Variants in NFAT5 observed in about 807,000 individuals in gnomAD.
NFAT5 encodes the protein nuclear factor of activated T cells 5.
NFAT5 carries 31 observed loss-of-function variants against 166.5 expected under a neutral mutation model. That is an observed-to-expected ratio of 0.19 (90% confidence interval 0.14 to 0.25). NFAT5 has a LOEUF of 0.25. NFAT5 is among the 10% of genes least tolerant of loss of function. The probability of loss-of-function intolerance (pLI) is 1.00; values close to 1 mark genes in which losing one functional copy is unlikely to be tolerated. For synonymous variants in NFAT5, 612 were observed against 639.7 expected (o/e 0.96, Z 0.65); for missense variants, 1,449 against 1,821.8 (o/e 0.80, Z 3.72).
At chr16:69,684,664 G>A (rs2037214124) in intron 10 of NFAT5, among the ~76,000 whole-genome samples, 1 of 152,054 alleles carries the variant, frequency 6.6e-6, no homozygotes, top group South Asian at 2.1e-4. Flanking sequence ...TTACAGACGT[G>A]AGCCACTACA....
intron 9 of NFAT5, among the ~76,000 whole-genome samples, chr16:69,672,472 T>G (rs1376336913): frequency 6.6e-6 from 1 of 152,206 alleles, no homozygotes; most frequent in Non-Finnish European, 1.5e-5. Flanking sequence ...TCAGACCATC[T>G]CCACTCCCAT....
intron 9 of NFAT5, chr16:69,676,923 T>G: frequency 3.5e-6 from 1 of 288,110 alleles, no homozygotes; most frequent in Non-Finnish European, 6.4e-6. Context: ...GGGACCGAGG[T>G]CAGTGTGGCT....
intron 2 of NFAT5, among the ~76,000 whole-genome samples, chr16:69,605,196 T>A (rs2033340613): frequency 6.6e-6 from 1 of 152,102 alleles, no homozygotes; most frequent in African/African-American, 2.4e-5. Flanking sequence ...TCCCAGCACT[T>A]TGGGAGGCCA....
rs576387901 is a variant in NFAT5, at chr16:69,699,028, C to G, written c.*2677C>G. ...CAGTTTGAAAATGTAAAATTCTAAC[C>G]CTAAAGTAGGGTTGGTTGAAATTTC... On this transcript the variant is annotated 3_prime_UTR_variant, in exon 15 of 15. Coordinates refer to ENST00000349945, the MANE Select transcript of NFAT5 (RefSeq NM_138713.4). The G allele has an allele frequency of 3.3e-5, 5 of 152,530 alleles. No homozygotes were observed. Among genetic ancestry groups the G allele is most frequent in the African/African-American group, 9.7e-5 (4 of 41,448 alleles). The allele number at this position is 152,530 out of a possible 1,614,324, so 9.4% of individuals were successfully genotyped here. A position where few individuals can be genotyped will look rare whatever the true frequency, so the allele number is the denominator to read the frequency against.
In NFAT5 at chr16:69,701,288, C is replaced by G. The variant is rs1452439409; in HGVS notation, c.*4937C>G. On this transcript the variant is annotated 3_prime_UTR_variant, in exon 15 of 15. Transcript: ENST00000349945. ...AATCCCCATTTATTTTTATGCCATT[C>G]TAGCCTCATTTATTAATAAAATTAT... is the stretch of plus-strand genomic sequence containing the variant. 1 of 152,426 alleles carries G rather than the reference C, an allele frequency of 6.6e-6. No individual in the cohort carries two copies. The highest frequency in any genetic ancestry group is 1.5e-5 in the Non-Finnish European group (1 of 67,996). 9.4% of individuals were successfully genotyped at this position (152,426 alleles called of 1,614,324 possible).
chr16:69,671,987 G>A (rs1427678460), intron 9 of NFAT5, among the ~76,000 whole-genome samples: 1 of 152,206 alleles, frequency 6.6e-6, no homozygotes, highest in Non-Finnish European at 1.5e-5. Context: ...AAATCACATT[G>A]TTAGACTATC....
rs533062868 is a variant in NFAT5, at chr16:69,645,862, C to T, written c.254-1166C>T. ...GACAACTTCCAACCTTAGCGATCAA[C>T]GCGCCTCTGAGTTTATGCTGTTAAG... On this transcript the variant is annotated intron_variant, in intron 3 of 14. Coordinates refer to ENST00000349945, the MANE Select transcript of NFAT5 (RefSeq NM_138713.4). 1.9e-4 allele frequency among the ~76,000 whole-genome samples: 29 copies of T among 152,280 alleles called. 1 individual carries two copies. The highest frequency in any genetic ancestry group is 1.3e-3 in the Admixed American group (20 of 15,300).
intron 10 of NFAT5, 28 bp from the exon 11 acceptor site, chr16:69,684,859 A>T: frequency 2.0e-6 from 3 of 1,491,828 alleles, no homozygotes; most frequent in Non-Finnish European, 2.8e-6. Flanking sequence ...GTAAATGTAG[A>T]TAAATACATT....
chr16:69,668,028 G>A (rs7200420), intron 7 of NFAT5, among the ~76,000 whole-genome samples: 27,150 of 151,974 alleles, frequency 0.18, 2,626 homozygotes, highest in East Asian at 0.36. Flanking sequence ...GTGCAGTGGC[G>A]TGATCTCGGG....
chr16:69,588,213 G>A (rs2032221703), intron 2 of NFAT5, among the ~76,000 whole-genome samples: 1 of 152,142 alleles, frequency 6.6e-6, no homozygotes, highest in Non-Finnish European at 1.5e-5. Context: ...GCCTCCCAAA[G>A]TGCTGGAATT....
chr16:69,649,431 G>A (rs1462805422), intron 4 of NFAT5: 8 of 984,324 alleles, frequency 8.1e-6, no homozygotes, highest in African/African-American at 1.8e-5. Flanking sequence ...TTCTACTTTT[G>A]TATGATAGCT....
chr16:69,586,923 G>T (rs1022137360), intron 2 of NFAT5, among the ~76,000 whole-genome samples: 1 of 152,128 alleles, frequency 6.6e-6, no homozygotes, highest in Non-Finnish European at 1.5e-5. Context: ...TCTGATAAAG[G>T]TATTCTCTTT....
At chr16:69,620,985 GTCTA>G (rs2034170533) in intron 2 of NFAT5, among the ~76,000 whole-genome samples, 1 of 152,112 alleles carries the variant, frequency 6.6e-6, no homozygotes, top group African/African-American at 2.4e-5. Flanking sequence ...ATTTTATTAA[GTCTA>G]TATTTCTTCT....
In NFAT5 at chr16:69,691,800, A is replaced by C; in HGVS notation, c.1975A>C (p.Ile659Leu). The C allele has an allele frequency of 6.2e-7, 1 of 1,614,198 alleles. No individual in the cohort carries two copies. The highest frequency in any genetic ancestry group is 8.5e-7 in the Non-Finnish European group (1 of 1,180,030). ...GCAAACATTAGAAAACATCTCAAAC[A>C]TAGCAGGAAATGGCTCTTTTTCATC... The part of the protein sequence containing the change: ...TQQTLENISN[I>L]AGNGSFSSPS... The change falls in exon 13 of 15, where the codon ATA becomes CTA. Residue 659 changes from isoleucine (I) to leucine (L), a missense_variant. Physicochemically the swap from Ile to Leu is conservative, Grantham distance 5. Coordinates refer to ENST00000349945, the MANE Select transcript of NFAT5 (RefSeq NM_138713.4).
intron 6 of NFAT5, among the ~76,000 whole-genome samples, chr16:69,656,588 G>C (rs898674588): frequency 2.6e-5 from 4 of 151,928 alleles, no homozygotes; most frequent in Non-Finnish European, 5.9e-5. Context: ...AAGTAGCTGA[G>C]ATTACAGGCA....
At chr16:69,663,340 A>C (rs1018959560) in intron 7 of NFAT5, among the ~76,000 whole-genome samples, 1 of 152,154 alleles carries the variant, frequency 6.6e-6, no homozygotes, top group Non-Finnish European at 1.5e-5. Context: ...CCCTTTTTAC[A>C]TTCTTAACAT....
intron 3 of NFAT5, among the ~76,000 whole-genome samples, chr16:69,641,411 G>A (rs1207245756): frequency 6.6e-6 from 1 of 150,654 alleles, no homozygotes; most frequent in Non-Finnish European, 1.5e-5. Flanking sequence ...AAATTTTATG[G>A]CTTTTTTTAA....
At chr16:69,684,759 A>G (rs1397705229) in intron 10 of NFAT5, 128 bp from the exon 11 acceptor site, 4 of 635,732 alleles carry the variant, frequency 6.3e-6, no homozygotes, top group Middle Eastern at 4.6e-4. Context: ...ATTTACCTCA[A>G]CTAGAATTTC....
intron 2 of NFAT5, among the ~76,000 whole-genome samples, chr16:69,588,951 G>T (rs1213948836): frequency 8.1e-6 from 1 of 123,700 alleles, no homozygotes. Context: ...CCTTCTTGGT[G>T]TTGGACCCTC....
Sources: allele counts gnomAD v4.1 joint callset (sites outside exome capture counted in the v4.1 genomes callset), GRCh38; gene constraint gnomAD v4.1.1; transcripts MANE v1.5; gene names NCBI Gene and HGNC (gene_info 2026-07-23, HGNC 2026-07-21).